The following CDH18 variants were observed in gnomAD, a reference collection of about 807,000 sequenced individuals.
CDH18 encodes the protein cadherin-18.
A neutral mutation model predicts 67.9 loss-of-function variants in CDH18; 31 were observed. The observed-to-expected ratio is 0.46, with a 90% CI of 0.34 to 0.62. The LOEUF (loss-of-function observed/expected upper bound fraction) is 0.62, where lower values mean the gene tolerates loss of function less well. CDH18 is among the 20% of genes least tolerant of loss of function. The probability of loss-of-function intolerance (pLI) is 0.01; values close to 1 mark genes in which losing one functional copy is unlikely to be tolerated. For synonymous variants in CDH18, 362 were observed against 347.2 expected, an observed-to-expected ratio of 1.04 and a Z score of -0.48; for missense variants, 890 against 975.5, an observed-to-expected ratio of 0.91 and a Z score of 1.17.
chr5:19,963,053 CAA>C (rs1166211351), intron 2 of CDH18, among the ~76,000 whole-genome samples: 6 of 151,976 alleles, frequency 3.9e-5, no homozygotes, highest in African/African-American at 1.2e-4. Context: ...TCATTGCTAA[CAA>C]GAGATCTGAC....
intron 10 of CDH18, among the ~76,000 whole-genome samples, chr5:19,509,789 T>C (rs1423281332): frequency 6.6e-6 from 1 of 152,188 alleles, no homozygotes; most frequent in Non-Finnish European, 1.5e-5. Context: ...ACTTTAGGCA[T>C]ATCTAAATTT....
chr5:19,761,840 T>G (rs2149706944), intron 3 of CDH18, among the ~76,000 whole-genome samples: 1 of 152,242 alleles, frequency 6.6e-6, no homozygotes, highest in African/African-American at 2.4e-5. Context: ...GACTTCAAAC[T>G]ATACTACAAG....
Position 19,571,701 on chromosome 5 carries a change from T to C in CDH18, c.1131A>G (p.Val377=). 1 of 1,614,060 alleles carries C rather than the reference T, an allele frequency of 6.2e-7. No individual in the cohort carries two copies. The highest frequency in any genetic ancestry group is 1.1e-5 in the South Asian group (1 of 91,076). Residue 377 remains valine, a synonymous_variant, in exon 8 of 13, where the codon GTA becomes GTG. Transcript: ENST00000382275. ...GCATGGAAAATAGTGGTGGTTCATCTACATCCCCAACAATGATCTTCAGCA... is the reference window on the plus strand; with the variant it reads ...GCATGGAAAATAGTGGTGGTTCATCCACATCCCCAACAATGATCTTCAGCA... ...ATMLKIIVGD[V]DEPPLFSMPS...
At chr5:20,536,909 T>C (rs2126573037) in intron 1 of CDH18, among the ~76,000 whole-genome samples, 1 of 152,278 alleles carries the variant, frequency 6.6e-6, no homozygotes, top group South Asian at 2.1e-4. Context: ...CATTGGAGCC[T>C]TGGATGGTCT....
chr5:19,634,357 T>C (rs1752811872), intron 5 of CDH18, among the ~76,000 whole-genome samples: 1 of 152,108 alleles, frequency 6.6e-6, no homozygotes. Context: ...AGTGATAGGG[T>C]CCAAATCCTC....
At chr5:19,877,674 G>T (rs1442383102) in intron 2 of CDH18, among the ~76,000 whole-genome samples, 1 of 152,080 alleles carries the variant, frequency 6.6e-6, no homozygotes, top group Non-Finnish European at 1.5e-5. Context: ...CTTGGAAGTA[G>T]GGCCTAAAAC....
intron 1 of CDH18, among the ~76,000 whole-genome samples, chr5:20,374,059 A>T (rs776907453): frequency 6.6e-5 from 10 of 152,194 alleles, no homozygotes; most frequent in Non-Finnish European, 1.2e-4. Context: ...GGCAATACAC[A>T]GTCATTGAAT....
At chr5:20,005,456 T>G (rs975227282) in intron 2 of CDH18, among the ~76,000 whole-genome samples, 1 of 150,794 alleles carries the variant, frequency 6.6e-6, no homozygotes, top group African/African-American at 2.4e-5. Flanking sequence ...ACACTTTCCA[T>G]GAATTGATAA....
At chr5:19,609,588 A>G (rs1287017494) in intron 6 of CDH18, among the ~76,000 whole-genome samples, 1 of 152,022 alleles carries the variant, frequency 6.6e-6, no homozygotes, top group Non-Finnish European at 1.5e-5. Flanking sequence ...AGATAAAGGG[A>G]TAACTAATTA....
At chr5:20,356,286 G>T (rs142938671) in intron 1 of CDH18, among the ~76,000 whole-genome samples, 2,438 of 152,248 alleles carry the variant, frequency 0.016, 74 homozygotes, top group African/African-American at 0.057. Context: ...GGGAGGCTGA[G>T]GTAGGAGAAC....
intron 8 of CDH18, among the ~76,000 whole-genome samples, chr5:19,558,590 CA>C (rs1738873661): frequency 6.6e-6 from 1 of 150,548 alleles, no homozygotes; most frequent in Non-Finnish European, 1.5e-5. Context: ...CTAGATTAAA[CA>C]AGGAAAAAAA....
intron 2 of CDH18, among the ~76,000 whole-genome samples, chr5:19,843,571 C>T (rs967667526): frequency 1.8e-4 from 28 of 152,184 alleles, no homozygotes; most frequent in Non-Finnish European, 4.4e-5. Context: ...GAGGTCGGAC[C>T]CCCGACATAG....
chr5:20,019,995 A>T (rs926299668), intron 2 of CDH18, among the ~76,000 whole-genome samples: 1 of 152,192 alleles, frequency 6.6e-6, no homozygotes, highest in African/African-American at 2.4e-5. Context: ...TGAGGACCTT[A>T]CTAGGAACCA....
chr5:20,148,742 T>C (rs563895929), intron 2 of CDH18, among the ~76,000 whole-genome samples: 1 of 139,152 alleles, frequency 7.2e-6, no homozygotes, highest in Non-Finnish European at 1.5e-5. Context: ...CAGTATTAGG[T>C]AAGTGAATAG....
intron 2 of CDH18, among the ~76,000 whole-genome samples, chr5:20,083,306 G>C (rs1363050663): frequency 6.6e-6 from 1 of 152,156 alleles, no homozygotes; most frequent in African/African-American, 2.4e-5. Flanking sequence ...ACTCTTATAG[G>C]TCATGAAGAC....
chr5:20,405,698 G>T (rs1448259105), intron 1 of CDH18, among the ~76,000 whole-genome samples: 2 of 151,924 alleles, frequency 1.3e-5, no homozygotes, highest in African/African-American at 4.8e-5. Context: ...TCTGACAAAG[G>T]GCTAATATCC....
chr5:19,992,156 A>G (rs1421724368), upstream of CDH18: 1 of 152,126 alleles, frequency 6.6e-6, no homozygotes, highest in African/African-American at 2.4e-5. Flanking sequence ...CCTTACTCAT[A>G]ATAATAATTA....
intron 1 of CDH18, among the ~76,000 whole-genome samples, chr5:20,463,979 A>T (rs1751457634): frequency 6.6e-6 from 1 of 152,142 alleles, no homozygotes. Flanking sequence ...TTCTGATGGT[A>T]TCATGAACCT....
chr5:20,246,736 C>A (rs1216035454), intron 2 of CDH18, among the ~76,000 whole-genome samples: 3 of 152,144 alleles, frequency 2.0e-5, no homozygotes, highest in Non-Finnish European at 4.4e-5. Flanking sequence ...GAAGAACTCA[C>A]AATTAATCAA....
Sources: gnomAD v4.1 joint callset for allele counts (sites outside exome capture counted in the v4.1 genomes callset) on GRCh38, gnomAD v4.1.1 for gene constraint, MANE v1.5 for transcripts, NCBI Gene and HGNC (gene_info 2026-07-23, HGNC 2026-07-21) for gene names.